DOP1B: variants seen among roughly 807,000 people sequenced by gnomAD.
DOP1B encodes DOP1 leucine zipper like protein B.
DOP1B carries 174 observed loss-of-function variants against 233.5 expected under a neutral mutation model. That is an observed-to-expected ratio of 0.75 (90% CI 0.66 to 0.85). The LOEUF is 0.85. Ranked by LOEUF, DOP1B falls within the 40% of genes least tolerant of loss-of-function variation. The pLI is 0.00. For synonymous variants in DOP1B, 1,190 were observed against 1,185.6 expected, an observed-to-expected ratio of 1.00 and a Z score of -0.08; for missense variants, 2,652 against 2,846.6, an observed-to-expected ratio of 0.93 and a Z score of 1.56.
At chr21:36,221,513 A>G (rs2066622501) in intron 10 of DOP1B, among the ~76,000 whole-genome samples, 1 of 152,100 alleles carries the variant, frequency 6.6e-6, no homozygotes, top group Non-Finnish European at 1.5e-5. Context: ...AATAAAAATA[A>G]TAAATCCTGA....
chr21:36,283,572 A>T (rs1427397643), intron 32 of DOP1B, among the ~76,000 whole-genome samples: 3 of 152,228 alleles, frequency 2.0e-5, no homozygotes, highest in South Asian at 4.1e-4. Context: ...AATATTAACA[A>T]GTCCAGTTGG....
rs142727897 is a variant in DOP1B, at chr21:36,169,470, T to C, written c.138+4599T>C. 3.6e-6 allele frequency: 4 copies of C among 1,100,392 alleles called. No homozygotes were observed. The African/African-American group carries it at 6.1e-5, about 17-fold the overall frequency. 68.2% of individuals were successfully genotyped at this position (1,100,392 alleles called of 1,614,324 possible). A position where few individuals can be genotyped will look rare whatever the true frequency, so the allele number is the denominator to read the frequency against. ...CGGTGGGTCTTGTGGGGCAGCTTCTTGGTGTGCCAACAACTGGTGACCCCT... is the reference window on the plus strand; with the variant it reads ...CGGTGGGTCTTGTGGGGCAGCTTCTCGGTGTGCCAACAACTGGTGACCCCT... On this transcript the variant is annotated intron_variant, in intron 2 of 36. Transcript: ENST00000691173.
rs1389370052 is a variant in DOP1B at position 36,263,790 on chromosome 21, CAAG to C, written c.5467_5469del (p.Lys1823del). On this transcript the variant is annotated inframe_deletion, in exon 26 of 37. Coordinates refer to ENST00000691173, the MANE Select transcript of DOP1B (RefSeq NM_001320714.2). ...TAACAAGAACTCCCAACCTGGAAAA[CAAG>C]AAGGACCAAAAAGACCTGCAGGTTT... The C allele has an allele frequency of 1.9e-6, 3 of 1,614,194 alleles. No individual in the cohort carries two copies. Among genetic ancestry groups the C allele is most frequent in the Non-Finnish European group, 1.7e-6 (2 of 1,180,040 alleles).
intron 5 of DOP1B, among the ~76,000 whole-genome samples, chr21:36,211,294 A>C (rs1429005121): frequency 2.6e-5 from 4 of 152,182 alleles, no homozygotes. Flanking sequence ...GTAGAATTTG[A>C]GATCATAGAA....
intron 2 of DOP1B, among the ~76,000 whole-genome samples, chr21:36,191,065 A>G (rs2123452820): frequency 6.6e-6 from 1 of 152,266 alleles, no homozygotes; most frequent in South Asian, 2.1e-4. Flanking sequence ...GAGAGTTAGA[A>G]GGAATTTGAG....
At chr21:36,184,272 C>T (rs780303200) in intron 2 of DOP1B, among the ~76,000 whole-genome samples, 2 of 152,168 alleles carry the variant, frequency 1.3e-5, no homozygotes, top group Non-Finnish European at 2.9e-5. Context: ...TGGTCTCAAA[C>T]TCCCGACCTC....
At chr21:36,290,330 GCCTGGCCAACATGGCGAAAC>G (rs1315230393) in intron 35 of DOP1B, among the ~76,000 whole-genome samples, 1 of 152,146 alleles carries the variant, frequency 6.6e-6, no homozygotes. Flanking sequence ...TTCGAGACCA[GCCTGGCCAACATGGCGAAAC>G]CCTGTCTCAA....
At chr21:36,212,947 A>G (rs2123499124) in intron 7 of DOP1B, among the ~76,000 whole-genome samples, 1 of 152,154 alleles carries the variant, frequency 6.6e-6, no homozygotes, top group South Asian at 2.1e-4. Flanking sequence ...CCGGCTGGGT[A>G]ATTTTTGTAT....
intron 7 of DOP1B, among the ~76,000 whole-genome samples, chr21:36,212,456 C>T (rs142354777): frequency 6.6e-6 from 1 of 152,142 alleles, no homozygotes; most frequent in African/African-American, 2.4e-5. Flanking sequence ...AGAAAACTTA[C>T]AAATATTGTG....
At chr21:36,256,403 T>C (rs1453371257) in intron 23 of DOP1B, among the ~76,000 whole-genome samples, 3 of 152,108 alleles carry the variant, frequency 2.0e-5, no homozygotes, top group East Asian at 1.9e-4. Context: ...ATTGAGCCAC[T>C]GCACTCCAGC....
intron 27 of DOP1B, among the ~76,000 whole-genome samples, chr21:36,273,481 C>T (rs529995638): frequency 6.6e-6 from 1 of 152,052 alleles, no homozygotes; most frequent in East Asian, 1.9e-4. Context: ...GGACTTAGTA[C>T]TGCGAGGAAA....
chr21:36,194,176 C>T (rs574349308), intron 2 of DOP1B, among the ~76,000 whole-genome samples: 14 of 152,162 alleles, frequency 9.2e-5, no homozygotes, highest in African/African-American at 2.9e-4. Context: ...TTGTTAAGTG[C>T]GAGGCTCCAT....
At chr21:36,220,102 A>T (rs2066608588) in intron 10 of DOP1B, among the ~76,000 whole-genome samples, 1 of 152,120 alleles carries the variant, frequency 6.6e-6, no homozygotes, top group South Asian at 2.1e-4. Flanking sequence ...TTTTAAGGGA[A>T]TACAACTTTT....
At chr21:36,211,941 C>G (rs755461090) in intron 6 of DOP1B, 33 bp from the exon 7 acceptor site, 2 of 1,613,382 alleles carry the variant, frequency 1.2e-6, no homozygotes, top group African/African-American at 1.3e-5. Context: ...CCCTATCATT[C>G]CCTTGCAGTA....
At chr21:36,227,553 A>T in intron 12 of DOP1B, 133 bp from the exon 13 acceptor site, 1 of 765,706 alleles carries the variant, frequency 1.3e-6, no homozygotes, top group Non-Finnish European at 1.9e-6. Context: ...TCAAAAAAAA[A>T]GAAAGAAAGA....
intron 16 of DOP1B, 129 bp from the exon 17 acceptor site, chr21:36,238,472 G>A (rs893678433): frequency 4.9e-5 from 35 of 720,670 alleles, no homozygotes; most frequent in African/African-American, 3.2e-4. Context: ...AGAATGCAGC[G>A]TCTTTGCTGT....
rs933061062 is a variant in DOP1B at position 36,247,503 on chromosome 21, T to C, written c.4698-14T>C. On this transcript the variant is annotated splice_polypyrimidine_tract_variant and intron_variant, in intron 19 of 36. Coordinates refer to ENST00000691173, the MANE Select transcript of DOP1B (RefSeq NM_001320714.2). Reference sequence around the variant, plus strand: ...TAAAAATTCTCAAACCAGTTTCTCTTTTCTTCACCACAGCACAACCTCCAA... The same window carrying C: ...TAAAAATTCTCAAACCAGTTTCTCTCTTCTTCACCACAGCACAACCTCCAA... The C allele has an allele frequency of 6.4e-7, 1 of 1,566,662 alleles. No homozygotes were observed. Among genetic ancestry groups the C allele is most frequent in the African/African-American group, 1.4e-5 (1 of 72,104 alleles).
intron 15 of DOP1B, among the ~76,000 whole-genome samples, chr21:36,235,212 A>G (rs1044705536): frequency 5.3e-5 from 8 of 152,220 alleles, no homozygotes; most frequent in South Asian, 2.1e-4. Flanking sequence ...CGTGCCCCCA[A>G]TTCTCAGACT....
At chr21:36,260,561 TC>T in intron 23 of DOP1B, 115 bp from the exon 24 acceptor site, 1 of 1,377,122 alleles carries the variant, frequency 7.3e-7, no homozygotes. Context: ...TCTGAAAGAT[TC>T]TTTAGTCAAA....
Sources: allele counts gnomAD v4.1 joint callset (sites outside exome capture counted in the v4.1 genomes callset), GRCh38; gene constraint gnomAD v4.1.1; transcripts MANE v1.5; gene names NCBI Gene and HGNC (gene_info 2026-07-23, HGNC 2026-07-21).